Variants in ADARB2 observed in about 807,000 individuals in gnomAD.
The protein encoded by ADARB2 is inactive double-stranded RNA-specific editase B2.
A neutral mutation model predicts 62.2 loss-of-function variants in ADARB2; 25 were observed. That is an observed-to-expected ratio of 0.40 (90% CI 0.29 to 0.56). The LOEUF is 0.56. Among genes scored for constraint, ADARB2 ranks in the 20% least tolerant of loss-of-function variants. The pLI is 0.43. For missense variants in ADARB2, 1,071 were observed against 1,077.4 expected, an observed-to-expected ratio of 0.99 and a Z score of 0.08; for synonymous variants, 572 against 500.8, an observed-to-expected ratio of 1.14 and a Z score of -1.90.
chr10:1,281,367 T>G (rs2131805293), intron 3 of ADARB2, among the ~76,000 whole-genome samples: 1 of 152,356 alleles, frequency 6.6e-6, no homozygotes, highest in African/African-American at 2.4e-5. Context: ...TATTAGGGCC[T>G]CACCTATGGA....
At chr10:1,600,661 C>CAA (rs71379153) in intron 1 of ADARB2, among the ~76,000 whole-genome samples, 19,092 of 69,656 alleles carry the variant, frequency 0.27, 3,903 homozygotes, top group East Asian at 0.31. Context: ...GACTCTGTCT[C>CAA]AAAAAAAAAA....
intron 1 of ADARB2, among the ~76,000 whole-genome samples, chr10:1,570,796 G>T (rs1455839424): frequency 6.6e-6 from 1 of 152,168 alleles, no homozygotes; most frequent in Admixed American, 6.5e-5. Context: ...GGACAGGGGG[G>T]CGCTGGACCT....
intron 1 of ADARB2, among the ~76,000 whole-genome samples, chr10:1,487,176 T>C (rs944299244): frequency 6.6e-6 from 1 of 152,188 alleles, no homozygotes. Context: ...ACCTGGAAAG[T>C]CAAACCAAAT....
At chr10:1,709,463 A>G (rs7909125) in intron 1 of ADARB2, among the ~76,000 whole-genome samples, 11,245 of 152,294 alleles carry the variant, frequency 0.074, 778 homozygotes, top group African/African-American at 0.17. Flanking sequence ...TCCAATGAGC[A>G]AGCAGCAAGG....
At chr10:1,636,255 G>A (rs1011905224) in intron 1 of ADARB2, among the ~76,000 whole-genome samples, 4 of 152,190 alleles carry the variant, frequency 2.6e-5, no homozygotes, top group Non-Finnish European at 4.4e-5. Flanking sequence ...AGTGGCTCAC[G>A]CCTGTAATCC....
intron 1 of ADARB2, among the ~76,000 whole-genome samples, chr10:1,405,353 G>A (rs1679079791): frequency 6.6e-6 from 1 of 152,156 alleles, no homozygotes. Flanking sequence ...CTGAAACTCA[G>A]GCTGGCTCTA....
intron 3 of ADARB2, among the ~76,000 whole-genome samples, chr10:1,287,355 A>G (rs1831423542): frequency 6.6e-6 from 1 of 152,234 alleles, no homozygotes. Context: ...TCAGGCTGAC[A>G]TAGCCACCAC....
chr10:1,661,543 GGCCC>G (rs1282980449), intron 1 of ADARB2, among the ~76,000 whole-genome samples: 3 of 152,192 alleles, frequency 2.0e-5, no homozygotes, highest in African/African-American at 7.2e-5. Context: ...GTTGGGGGAG[GGCCC>G]CGGCAAGCAC....
At chr10:1,581,735 C>T (rs1833102390) in intron 1 of ADARB2, among the ~76,000 whole-genome samples, 1 of 151,962 alleles carries the variant, frequency 6.6e-6, no homozygotes, top group Non-Finnish European at 1.5e-5. Flanking sequence ...GATGAGAGAA[C>T]ACACTCAGAG....
rs1485302825 is a variant in ADARB2 at position 1,214,099 on chromosome 10, GTGTAGGTTTGCACCTGTGTCCAGCGTCA to G, written c.1682+2824_1682+2851del. Among the ~76,000 whole-genome samples the G allele has an allele frequency of 2.7e-3, 295 of 111,060 alleles. 1 individual carries two copies. The highest frequency in any genetic ancestry group is 8.2e-3 in the African/African-American group (254 of 31,152). The allele number at this position is 111,060 out of a possible 152,430, so 72.9% of individuals were successfully genotyped here. A position where few individuals can be genotyped will look rare whatever the true frequency, so the allele number is the denominator to read the frequency against. On this transcript the variant is annotated intron_variant, in intron 7 of 9. Coordinates refer to ENST00000381312, the MANE Select transcript of ADARB2 (RefSeq NM_018702.4). The stretch of plus-strand genomic sequence containing the variant: ...TAGGTTTGCACCTGTGTCCAGCATC[GTGTAGGTTTGCACCTGTGTCCAGCGTCA>G]TGTAGGTTTGCACCTGTGTCCAGCG...
chr10:1,422,168 C>T (rs989509366), intron 1 of ADARB2, among the ~76,000 whole-genome samples: 15 of 152,284 alleles, frequency 9.9e-5, no homozygotes, highest in South Asian at 4.1e-4. Context: ...AGGAATAGAA[C>T]GGGGACGTCA....
At chr10:1,478,262 G>A (rs1009744889) in intron 1 of ADARB2, among the ~76,000 whole-genome samples, 1 of 152,196 alleles carries the variant, frequency 6.6e-6, no homozygotes, top group South Asian at 2.1e-4. Context: ...TGTGATGGAA[G>A]CCCTGGGAAC....
intron 1 of ADARB2, among the ~76,000 whole-genome samples, chr10:1,733,941 A>G (rs1376228828): frequency 1.5e-5 from 2 of 131,532 alleles, no homozygotes; most frequent in Non-Finnish European, 3.4e-5. Context: ...GGCATGTGTC[A>G]TGGGATATGA....
intron 1 of ADARB2, chr10:1,394,941 G>C: frequency 2.2e-6 from 1 of 453,920 alleles, no homozygotes; most frequent in Non-Finnish European, 4.4e-6. Flanking sequence ...TCTTTCTTTC[G>C]ACAAGATCTT....
At chr10:1,338,129 G>A (rs1831991298) in intron 3 of ADARB2, among the ~76,000 whole-genome samples, 1 of 152,250 alleles carries the variant, frequency 6.6e-6, no homozygotes, top group Non-Finnish European at 1.5e-5. Flanking sequence ...CTTTGAGGAA[G>A]AACTACATTG....
At chr10:1,705,013 A>G (rs913317117) in intron 1 of ADARB2, among the ~76,000 whole-genome samples, 2 of 152,226 alleles carry the variant, frequency 1.3e-5, no homozygotes, top group African/African-American at 4.8e-5. Context: ...GTCCTTTCAA[A>G]GCTTTTCAAT....
chr10:1,274,769 C>T (rs1404182610), intron 3 of ADARB2, among the ~76,000 whole-genome samples: 2 of 152,208 alleles, frequency 1.3e-5, no homozygotes, highest in Non-Finnish European at 2.9e-5. Context: ...GCAACGCAAC[C>T]AGTCATACAG....
chr10:1,271,643 G>GAC (rs964202655), intron 3 of ADARB2, among the ~76,000 whole-genome samples: 1 of 151,990 alleles, frequency 6.6e-6, no homozygotes. Context: ...CACACACACA[G>GAC]ACACACACAT....
rs188559147 is a variant in ADARB2, at chr10:1,370,349, C to T, written c.188-6432G>A. 2.6e-5 allele frequency among the ~76,000 whole-genome samples: 4 copies of T among 152,334 alleles called. No homozygotes were observed. The East Asian group carries it at 7.7e-4, about 29-fold the overall frequency. ...TGACAAACCCACAGCCAACGTCACA[C>T]TTAATGGGGAAAAGTTGAAAGCATT... On this transcript the variant is annotated intron_variant, in intron 2 of 9. Transcript: ENST00000381312.
Sources: gnomAD v4.1 joint callset for allele counts (sites outside exome capture counted in the v4.1 genomes callset) on GRCh38, gnomAD v4.1.1 for gene constraint, MANE v1.5 for transcripts, NCBI Gene and HGNC (gene_info 2026-07-23, HGNC 2026-07-21) for gene names.